The following PCSK6 variants were observed in gnomAD, a reference collection of about 807,000 sequenced individuals.
The protein encoded by PCSK6 is paired basic amino acid cleaving enzyme 4.
A neutral mutation model predicts 123.3 loss-of-function variants in PCSK6; 85 were observed. The ratio of observed to expected loss-of-function variants is 0.69; its 90% CI spans 0.58 to 0.83. The LOEUF (loss-of-function observed/expected upper bound fraction) is 0.83. Among genes scored for constraint, PCSK6 ranks in the 40% least tolerant of loss-of-function variants. The probability of loss-of-function intolerance (pLI) is 0.00; values close to 1 mark genes in which losing one functional copy is unlikely to be tolerated. For missense variants in PCSK6, 1,191 were observed against 1,282.3 expected (o/e 0.93, Z 1.09); for synonymous variants, 508 against 516.0 (o/e 0.98, Z 0.21).
chr15:101,375,164 G>A (rs1018363045), intron 11 of PCSK6, among the ~76,000 whole-genome samples: 2 of 152,066 alleles, frequency 1.3e-5, no homozygotes, highest in Non-Finnish European at 2.9e-5. Context: ...TGTTGGCCAC[G>A]CTGGTCTCAA....
chr15:101,464,113 T>G (rs28546895), intron 1 of PCSK6, among the ~76,000 whole-genome samples: 23,839 of 152,028 alleles, frequency 0.16, 1,883 homozygotes, highest in East Asian at 0.22. Context: ...TCCCAACACG[T>G]AGGAGGAAAC....
In PCSK6 at chr15:101,478,381, G is replaced by C. The variant is rs111399129; in HGVS notation, c.297+10993C>G. Reference sequence around the variant, plus strand: ...GCTATTCTAAGGACAGTCACGTGTGGGGACAGAGAGGCTGAGTACAGGCAC... The same window carrying C: ...GCTATTCTAAGGACAGTCACGTGTGCGGACAGAGAGGCTGAGTACAGGCAC... On this transcript the variant is annotated intron_variant, in intron 1 of 21. Transcript: ENST00000611716. 8.7e-3 allele frequency among the ~76,000 whole-genome samples: 1,318 copies of C among 152,246 alleles called. 21 individuals are homozygous for C. The highest frequency in any genetic ancestry group is 0.029 in the African/African-American group (1,225 of 41,544).
intron 13 of PCSK6, among the ~76,000 whole-genome samples, chr15:101,359,028 G>T (rs1158580572): frequency 6.6e-6 from 1 of 152,200 alleles, no homozygotes; most frequent in Non-Finnish European, 1.5e-5. Context: ...GCCTGTGGGT[G>T]ACAGGAAGGC....
intron 20 of PCSK6, among the ~76,000 whole-genome samples, chr15:101,311,636 T>TCCCTCACAGCCCACCACATCATCACA (rs71154318): frequency 6.8e-6 from 1 of 146,876 alleles, no homozygotes; most frequent in Non-Finnish European, 1.5e-5. Context: ...GCCTGGTACT[T>TCCCTCACAGCCCACCACATCATCACA]CCCTCACAGC....
At chr15:101,488,962 G>A (rs1369445590) in intron 1 of PCSK6, among the ~76,000 whole-genome samples, 1 of 150,448 alleles carries the variant, frequency 6.6e-6, no homozygotes, top group Non-Finnish European at 1.5e-5. Context: ...CCGCGGGGGA[G>A]AGCCGGGTGG....
chr15:101,438,348 T>C (rs893394034), intron 2 of PCSK6, among the ~76,000 whole-genome samples: 1 of 152,248 alleles, frequency 6.6e-6, no homozygotes, highest in Non-Finnish European at 1.5e-5. Context: ...CAGAATTTAC[T>C]TCTAAAGTAT....
intron 2 of PCSK6, among the ~76,000 whole-genome samples, chr15:101,439,331 T>C (rs2056694018): frequency 6.6e-6 from 1 of 152,268 alleles, no homozygotes. Context: ...GCAGAGCATG[T>C]CGTGAAAGAA....
intron 13 of PCSK6, among the ~76,000 whole-genome samples, chr15:101,339,778 G>A (rs2141384903): frequency 6.6e-6 from 1 of 152,210 alleles, no homozygotes; most frequent in Admixed American, 6.5e-5. Flanking sequence ...AGGCGTGGTG[G>A]TGTGTCCTTG....
rs1030664695 is a variant in PCSK6 at position 101,307,325 on chromosome 15, C to G, written c.2700G>C (p.Arg900Ser). ...MPGLPHKVCRRCDENCLSCAG... is the reference protein window; with the variant it reads ...MPGLPHKVCRSCDENCLSCAG... ...CACAGCTCAAGCAGTTCTCGTCACA[C>G]CTGTGGGAAGATACCGTTCCTGCTG... Residue 900 changes from arginine (R) to serine (S), a missense_variant and splice_region_variant, in exon 21 of 22, where the codon AGG becomes AGC. Transcript: ENST00000611716. 1 of 1,610,588 alleles carries G rather than the reference C, an allele frequency of 6.2e-7. No homozygotes were observed.
intron 1 of PCSK6, among the ~76,000 whole-genome samples, chr15:101,458,852 C>T (rs190049521): frequency 1.2e-4 from 18 of 152,312 alleles, no homozygotes; most frequent in Admixed American, 3.9e-4. Flanking sequence ...ATACCTCTGT[C>T]AGCTTCTACC....
chr15:101,446,744 AG>A (rs1001558166), intron 1 of PCSK6, among the ~76,000 whole-genome samples: 45 of 152,346 alleles, frequency 3.0e-4, no homozygotes, highest in African/African-American at 1.1e-3. Context: ...ATGTCAAGCA[AG>A]GGTTCTCTAG....
chr15:101,404,224 C>G (rs1478248452), intron 6 of PCSK6, among the ~76,000 whole-genome samples: 1 of 152,184 alleles, frequency 6.6e-6, no homozygotes, highest in Non-Finnish European at 1.5e-5. Context: ...CAGGGGCCAA[C>G]CTTCTCTGGG....
chr15:101,402,918 T>A (rs919556185), intron 6 of PCSK6, among the ~76,000 whole-genome samples: 1 of 152,132 alleles, frequency 6.6e-6, no homozygotes, highest in East Asian at 1.9e-4. Flanking sequence ...ATCCCATTAC[T>A]GGGTATATAC....
chr15:101,378,129 T>C (rs1256954846), intron 11 of PCSK6, among the ~76,000 whole-genome samples: 2 of 152,246 alleles, frequency 1.3e-5, no homozygotes, highest in African/African-American at 2.4e-5. Flanking sequence ...AATACTAAGC[T>C]TAATTTTCTT....
intron 1 of PCSK6, among the ~76,000 whole-genome samples, chr15:101,444,036 C>T (rs1334522067): frequency 6.6e-6 from 1 of 152,144 alleles, no homozygotes; most frequent in Non-Finnish European, 1.5e-5. Context: ...CAGGTCTACA[C>T]CAAAACATTC....
At chr15:101,340,377 C>T (rs1389603592) in intron 13 of PCSK6, among the ~76,000 whole-genome samples, 4 of 152,150 alleles carry the variant, frequency 2.6e-5, no homozygotes, top group Non-Finnish European at 5.9e-5. Context: ...AATATCCTTT[C>T]GGGAAAGAAT....
chr15:101,405,224 G>C (rs534119063), intron 6 of PCSK6, among the ~76,000 whole-genome samples: 1 of 152,198 alleles, frequency 6.6e-6, no homozygotes, highest in Non-Finnish European at 1.5e-5. Flanking sequence ...GAAAAGAAAG[G>C]CCCATTTACT....
intron 6 of PCSK6, among the ~76,000 whole-genome samples, chr15:101,399,383 G>C (rs527671963): frequency 6.6e-6 from 1 of 152,314 alleles, no homozygotes; most frequent in Admixed American, 6.5e-5. Context: ...GAGGGGACTG[G>C]GGTCTTGGAC....
At position 101,307,198 on chromosome 15, in the gene PCSK6, C is replaced by G; in HGVS notation, c.2812+15G>C. The G allele has an allele frequency of 1.2e-6, 2 of 1,601,154 alleles. No homozygotes were observed. Among genetic ancestry groups the G allele is most frequent in the Non-Finnish European group, 1.7e-6 (2 of 1,169,510 alleles). On this transcript the variant is annotated intron_variant, in intron 21 of 21. Coordinates refer to ENST00000611716, the MANE Select transcript of PCSK6 (RefSeq NM_002570.5). Reference sequence around the variant, plus strand: ...CCTCCACAGGCAGCCCCAGGGTAACCCAGCTGCTGCTCACCGTTGCTGCAC... The same window carrying G: ...CCTCCACAGGCAGCCCCAGGGTAACGCAGCTGCTGCTCACCGTTGCTGCAC...
Sources: allele counts gnomAD v4.1 joint callset (sites outside exome capture counted in the v4.1 genomes callset), GRCh38; gene constraint gnomAD v4.1.1; transcripts MANE v1.5; gene names NCBI Gene and HGNC (gene_info 2026-07-23, HGNC 2026-07-21).